SP1: variants seen among roughly 807,000 people sequenced by gnomAD.
SP1 encodes Sp1 transcription factor.
Under a neutral mutation model 66.3 loss-of-function variants are expected in SP1, and 6 were observed. That is an observed-to-expected ratio of 0.09 (90% CI 0.05 to 0.18). The LOEUF is 0.18. Ranked by LOEUF, SP1 falls within the 10% of genes least tolerant of loss-of-function variation. SP1 has a pLI of 1.00. For synonymous variants in SP1, 417 were observed against 360.8 expected, an observed-to-expected ratio of 1.16 and a Z score of -1.77; for missense variants, 848 against 964.5, an observed-to-expected ratio of 0.88 and a Z score of 1.60.
Position 53,381,640 on chromosome 12 carries a change from T to G in SP1, c.8-19T>G. ...TTTCTTCCCTCAAGTTTACGTTGTT[T>G]GTTTTTTAATTATTTTAGACCAAGA... On this transcript the variant is annotated intron_variant, in intron 1 of 5. Transcript: ENST00000327443. The G allele has an allele frequency of 6.3e-7, 1 of 1,590,868 alleles. No homozygotes were observed. The highest frequency in any genetic ancestry group is 8.6e-7 in the Non-Finnish European group (1 of 1,168,872).
chr12:53,408,245 CAAA>C (rs548495020), intron 4 of SP1, among the ~76,000 whole-genome samples: 7 of 97,692 alleles, frequency 7.2e-5, no homozygotes, highest in Non-Finnish European at 1.5e-4. Context: ...GACTCTGTCT[CAAA>C]AAAAAAAAAA....
At chr12:53,381,965 G>A (rs1303377532) in intron 2 of SP1, 145 bp from the exon 3 acceptor site, 27 of 1,144,220 alleles carry the variant, frequency 2.4e-5, no homozygotes, top group Non-Finnish European at 3.2e-5. Flanking sequence ...AGACAAAGGA[G>A]TTTCAGCAAT....
At chr12:53,396,378 G>C (rs150946670) in intron 3 of SP1, among the ~76,000 whole-genome samples, 1,707 of 151,924 alleles carry the variant, frequency 0.011, 30 homozygotes, top group African/African-American at 0.039. Flanking sequence ...GAGCATCCTG[G>C]CCAACGTGGT....
intron 3 of SP1, among the ~76,000 whole-genome samples, chr12:53,386,537 TAGTG>T (rs4020475): frequency 0.3 from 44,752 of 147,862 alleles, 10,134 homozygotes; most frequent in African/African-American, 0.65. Context: ...GCCCAGGCTG[TAGTG>T]AGTGGAGTGG....
intron 3 of SP1, among the ~76,000 whole-genome samples, chr12:53,389,684 C>T (rs955867679): frequency 2.0e-5 from 3 of 151,906 alleles, no homozygotes; most frequent in Admixed American, 2.0e-4. Flanking sequence ...CATATTTTCC[C>T]AGATCTTTAT....
intron 3 of SP1, among the ~76,000 whole-genome samples, chr12:53,398,443 T>C (rs1938537463): frequency 1.3e-5 from 2 of 152,038 alleles, no homozygotes; most frequent in Non-Finnish European, 2.9e-5. Flanking sequence ...CCACCACGCC[T>C]AGCTAATTTT....
intron 3 of SP1, among the ~76,000 whole-genome samples, chr12:53,399,049 C>T (rs747454595): frequency 6.6e-6 from 1 of 152,114 alleles, no homozygotes; most frequent in Non-Finnish European, 1.5e-5. Context: ...ACCACTGTGT[C>T]ATGAACATCT....
At chr12:53,398,028 A>G (rs1938528772) in intron 3 of SP1, among the ~76,000 whole-genome samples, 1 of 152,204 alleles carries the variant, frequency 6.6e-6, no homozygotes, top group Non-Finnish European at 1.5e-5. Flanking sequence ...TTAATCTTCT[A>G]GTGCAAAATG....
At position 53,398,884 on chromosome 12, in the gene SP1, C is replaced by A. The variant is rs944226524; in HGVS notation, c.1676-7701C>A. On this transcript the variant is annotated intron_variant, in intron 3 of 5. Coordinates refer to ENST00000327443, the MANE Select transcript of SP1 (RefSeq NM_138473.3). The stretch of plus-strand genomic sequence containing the variant: ...GAAAGTAAAATTTACTGAAATTTGT[C>A]CAAATGGATTCACTGTTGACAATTT... Among the ~76,000 whole-genome samples the A allele has an allele frequency of 2.0e-5, 3 of 152,146 alleles. No individual in the cohort carries two copies. In the East Asian group the frequency reaches 5.8e-4, roughly 29 times the overall value.
chr12:53,410,887 C>T, intron 5 of SP1, 40 bp from the exon 6 acceptor site: 1 of 1,492,450 alleles, frequency 6.7e-7, no homozygotes. Flanking sequence ...AACCTCACTT[C>T]CTAACATGTC....
intron 3 of SP1, among the ~76,000 whole-genome samples, chr12:53,394,409 CTTTTTT>C (rs59816754): frequency 0.18 from 21,157 of 114,496 alleles, 1,329 homozygotes; most frequent in African/African-American, 0.23. Flanking sequence ...TTAAAAGTAT[CTTTTTT>C]TTTTTTTTTT....
chr12:53,396,210 G>A (rs1394229392), intron 3 of SP1, among the ~76,000 whole-genome samples: 1 of 151,544 alleles, frequency 6.6e-6, no homozygotes, highest in Non-Finnish European at 1.5e-5. Context: ...GAACCCGGGA[G>A]GCAGAGCTTA....
At chr12:53,409,247 TCA>T in intron 4 of SP1, 113 bp from the exon 5 acceptor site, 1 of 843,804 alleles carries the variant, frequency 1.2e-6, no homozygotes, top group Non-Finnish European at 1.8e-6. Context: ...GAAGACTTTT[TCA>T]AAAAATAAAA....
Position 53,416,336 on chromosome 12 carries a change from T to C in SP1, c.*5096T>C, listed in dbSNP as rs1040420485. ...GTCTTTCCTCCTACCTTTTGTCTCTTGGTGTTTTGGGACTTTTTTTTTTTT... is the reference window on the plus strand; with the variant it reads ...GTCTTTCCTCCTACCTTTTGTCTCTCGGTGTTTTGGGACTTTTTTTTTTTT... On this transcript the variant is annotated 3_prime_UTR_variant, in exon 6 of 6. Coordinates refer to ENST00000327443, the MANE Select transcript of SP1 (RefSeq NM_138473.3). The C allele has an allele frequency of 1.4e-5, 2 of 144,120 alleles. No homozygotes were observed. The highest frequency in any genetic ancestry group is 5.1e-5 in the African/African-American group (2 of 39,132). The allele number at this position is 144,120 out of a possible 1,614,324, so 8.9% of individuals were successfully genotyped here.
intron 1 of SP1, 135 bp downstream of exon 1, chr12:53,380,433 G>A (rs1938057563): frequency 1.3e-6 from 1 of 778,940 alleles, no homozygotes; most frequent in Non-Finnish European, 1.8e-6. Context: ...GTCCCGCCCG[G>A]GGCGGAGGGA....
At chr12:53,384,725 G>A (rs544320921) in intron 3 of SP1, among the ~76,000 whole-genome samples, 2 of 152,228 alleles carry the variant, frequency 1.3e-5, no homozygotes, top group Admixed American at 6.5e-5. Context: ...GGTGGCTCAC[G>A]CCTGTAATGC....
At chr12:53,381,966 T>C in intron 2 of SP1, 144 bp from the exon 3 acceptor site, 1 of 1,145,924 alleles carries the variant, frequency 8.7e-7, no homozygotes, top group African/African-American at 1.6e-5. Flanking sequence ...GACAAAGGAG[T>C]TTCAGCAATA....
chr12:53,406,616 G>T lies in SP1; in HGVS notation c.1707G>T (p.Gly569=). The change falls in exon 4 of 6, where the codon GGG becomes GGT. Residue 569 remains glycine (G), a synonymous_variant. Coordinates refer to ENST00000327443, the MANE Select transcript of SP1 (RefSeq NM_138473.3). ...GDHGAQLGLH[G]AGGDGIHDDT... ...ATGGAGCTCAGCTTGGTCTCCATGG[G>T]GCTGGTGGTGATGGAATACATGATG... 1 of 1,613,922 alleles carries T rather than the reference G, an allele frequency of 6.2e-7. No individual in the cohort carries two copies. Among genetic ancestry groups the T allele is most frequent in the Non-Finnish European group, 8.5e-7 (1 of 1,179,960 alleles).
At chr12:53,391,141 T>C (rs1019875398) in intron 3 of SP1, among the ~76,000 whole-genome samples, 2 of 152,158 alleles carry the variant, frequency 1.3e-5, no homozygotes, top group African/African-American at 4.8e-5. Flanking sequence ...AAGCACATTA[T>C]TTTTCATATT....
Sources: gnomAD v4.1 joint callset for allele counts (sites outside exome capture counted in the v4.1 genomes callset) on GRCh38, gnomAD v4.1.1 for gene constraint, MANE v1.5 for transcripts, NCBI Gene and HGNC (gene_info 2026-07-23, HGNC 2026-07-21) for gene names.